ERC2: variants seen among roughly 807,000 people sequenced by gnomAD.
ERC2 encodes the protein ELKS/RAB6-interacting/CAST family member 2, also known as ERC protein 2.
A neutral mutation model predicts 114.8 loss-of-function variants in ERC2; 42 were observed. That is an observed-to-expected ratio of 0.37 (90% confidence interval 0.29 to 0.47). The LOEUF (loss-of-function observed/expected upper bound fraction) is 0.47. Ranked by LOEUF, ERC2 falls within the 20% of genes least tolerant of loss-of-function variation. The pLI is 0.99. For missense variants in ERC2, 939 were observed against 1,150.7 expected (o/e 0.82, Z 2.66); for synonymous variants, 454 against 425.5 (o/e 1.07, Z -0.82).
At chr3:56,212,600 C>T (rs1354636107) in intron 3 of ERC2, among the ~76,000 whole-genome samples, 1 of 152,168 alleles carries the variant, frequency 6.6e-6, no homozygotes, top group Non-Finnish European at 1.5e-5. Context: ...AATCCCACTC[C>T]TGGGTATCTA....
rs140819815 is a variant in ERC2 at position 55,573,319 on chromosome 3, T to C, written c.*40-62043A>G. Among the ~76,000 whole-genome samples the C allele has an allele frequency of 3.3e-3, 504 of 152,336 alleles. 3 individuals are homozygous for C. Among genetic ancestry groups the C allele is most frequent in the African/African-American group, 0.012 (493 of 41,570 alleles). On this transcript the variant is annotated intron_variant, in intron 17 of 17. Transcript: ENST00000288221. ...TTGTTTTACGGGGTTATTTGAGAAT[T>C]GTCTGAGATGATGCATTTAGCATGA...
intron 7 of ERC2, among the ~76,000 whole-genome samples, chr3:56,031,044 C>T (rs2074351171): frequency 6.6e-6 from 1 of 152,006 alleles, no homozygotes; most frequent in Non-Finnish European, 1.5e-5. Context: ...CAGGCTAGCC[C>T]CTGTGGGCAG....
At chr3:55,899,579 C>T (rs1282916649) in intron 13 of ERC2, among the ~76,000 whole-genome samples, 7 of 151,904 alleles carry the variant, frequency 4.6e-5, no homozygotes, top group Non-Finnish European at 1.0e-4. Flanking sequence ...TATGGGCACC[C>T]AATTGTTGAG....
chr3:55,709,392 G>A (rs1174251130), intron 15 of ERC2, among the ~76,000 whole-genome samples: 2 of 152,210 alleles, frequency 1.3e-5, no homozygotes, highest in East Asian at 3.8e-4. Flanking sequence ...GCACATCAAA[G>A]AGAGGTTTCA....
At chr3:55,815,488 C>T (rs941258743) in intron 14 of ERC2, among the ~76,000 whole-genome samples, 2 of 152,082 alleles carry the variant, frequency 1.3e-5, no homozygotes, top group Non-Finnish European at 2.9e-5. Context: ...GAAAATGGAG[C>T]GGCCACGTGG....
chr3:56,004,831 G>T (rs1002670322), intron 10 of ERC2, among the ~76,000 whole-genome samples: 1 of 151,840 alleles, frequency 6.6e-6, no homozygotes, highest in African/African-American at 2.4e-5. Context: ...CACAAGTCAC[G>T]TACCCTTTTA....
chr3:55,692,779 C>T (rs1397787042), intron 16 of ERC2, among the ~76,000 whole-genome samples: 1 of 152,168 alleles, frequency 6.6e-6, no homozygotes, highest in Non-Finnish European at 1.5e-5. Flanking sequence ...ATCCAGAATC[C>T]AAACACAGAA....
chr3:56,194,144 G>A (rs2047952642), intron 3 of ERC2, among the ~76,000 whole-genome samples: 1 of 152,060 alleles, frequency 6.6e-6, no homozygotes, highest in Non-Finnish European at 1.5e-5. Context: ...TACCCAACAT[G>A]TAGTAGGTAC....
chr3:56,286,003 C>T (rs2150334514), intron 3 of ERC2, among the ~76,000 whole-genome samples: 1 of 152,280 alleles, frequency 6.6e-6, no homozygotes, highest in South Asian at 2.1e-4. Context: ...TTGGAATCTG[C>T]CGGGGTTCCT....
intron 14 of ERC2, among the ~76,000 whole-genome samples, chr3:55,831,304 C>A (rs1456243371): frequency 7.3e-6 from 1 of 137,362 alleles, no homozygotes; most frequent in Middle Eastern, 3.5e-3. Flanking sequence ...AGAGCAAGAT[C>A]TGAACTTCGA....
chr3:56,144,534 G>A (rs748745298), intron 5 of ERC2, among the ~76,000 whole-genome samples: 9 of 152,138 alleles, frequency 5.9e-5, no homozygotes, highest in East Asian at 1.9e-4. Context: ...AAACCGATTC[G>A]TGCTAACTTC....
At chr3:56,236,409 G>T (rs1292340973) in intron 3 of ERC2, among the ~76,000 whole-genome samples, 3 of 152,132 alleles carry the variant, frequency 2.0e-5, no homozygotes, top group Non-Finnish European at 4.4e-5. Flanking sequence ...GCCATCTGCT[G>T]AGCAGGCCAT....
chr3:56,113,327 A>T (rs183993333), intron 6 of ERC2, among the ~76,000 whole-genome samples: 1 of 152,338 alleles, frequency 6.6e-6, no homozygotes, highest in East Asian at 1.9e-4. Context: ...TGAAAAGATG[A>T]ATCAAGTTTT....
chr3:56,375,070 G>A (rs1194092505), intron 2 of ERC2, among the ~76,000 whole-genome samples: 1 of 152,096 alleles, frequency 6.6e-6, no homozygotes, highest in Non-Finnish European at 1.5e-5. Flanking sequence ...TCAAGGGAGG[G>A]GACCCAGGAT....
chr3:55,595,729 G>C (rs2058095917), intron 17 of ERC2, among the ~76,000 whole-genome samples: 1 of 152,112 alleles, frequency 6.6e-6, no homozygotes, highest in Admixed American at 6.5e-5. Flanking sequence ...TCACTTACAA[G>C]GGCTCAAATG....
At chr3:56,297,389 T>A (rs73086435) in intron 2 of ERC2, among the ~76,000 whole-genome samples, 5,278 of 152,102 alleles carry the variant, frequency 0.035, 193 homozygotes, top group African/African-American at 0.085. Flanking sequence ...AAACAGAAAG[T>A]CTTGAAAGTA....
intron 6 of ERC2, among the ~76,000 whole-genome samples, chr3:56,090,724 A>C (rs1485671): frequency 0.94 from 140,377 of 149,670 alleles, 66,048 homozygotes; most frequent in East Asian, 1. Context: ...GGTCTTCTAG[A>C]GTACGCATCA....
At chr3:55,888,603 C>T (rs2063464962) in intron 13 of ERC2, 54 bp from the exon 14 acceptor site, 1 of 1,597,362 alleles carries the variant, frequency 6.3e-7, no homozygotes, top group Non-Finnish European at 8.6e-7. Flanking sequence ...AAGCACAAGA[C>T]ATCCCTTGTT....
At chr3:56,254,017 G>C (rs1383586409) in intron 3 of ERC2, among the ~76,000 whole-genome samples, 1 of 152,244 alleles carries the variant, frequency 6.6e-6, no homozygotes, top group Non-Finnish European at 1.5e-5. Context: ...GTTTCAATGG[G>C]ATTAACAGGG....
Sources: allele counts gnomAD v4.1 joint callset (sites outside exome capture counted in the v4.1 genomes callset), GRCh38; gene constraint gnomAD v4.1.1; transcripts MANE v1.5; gene names NCBI Gene and HGNC (gene_info 2026-07-23, HGNC 2026-07-21).